DAB1: variants seen among roughly 807,000 people sequenced by gnomAD.
DAB1 encodes DAB adaptor protein 1, also known as disabled homolog 1.
In DAB1, 15 loss-of-function variants were observed where a neutral mutation model predicts 64.6. The ratio of observed to expected loss-of-function variants is 0.23; its 90% CI spans 0.16 to 0.36. The LOEUF (loss-of-function observed/expected upper bound fraction) is 0.36, where lower values mean the gene tolerates loss of function less well. DAB1 is among the 10% of genes least tolerant of loss of function. The pLI, the probability that DAB1 is intolerant of heterozygous loss-of-function variation, is 1.00. For missense variants in DAB1, 596 were observed against 706.7 expected, an observed-to-expected ratio of 0.84 and a Z score of 1.78; for synonymous variants, 235 against 251.9, an observed-to-expected ratio of 0.93 and a Z score of 0.64.
intron 5 of DAB1, among the ~76,000 whole-genome samples, chr1:58,149,721 C>T (rs1001479978): frequency 6.6e-6 from 1 of 152,142 alleles, no homozygotes; most frequent in Non-Finnish European, 1.5e-5. Context: ...TGATTTTTAC[C>T]AAACGGGGAG....
At chr1:57,910,760 A>G (rs1644631414) in intron 5 of DAB1, among the ~76,000 whole-genome samples, 1 of 152,204 alleles carries the variant, frequency 6.6e-6, no homozygotes, top group African/African-American at 2.4e-5. Context: ...ATCTCTCAAG[A>G]ATGGCCTTTA....
chr1:57,033,372 C>A, intron 9 of DAB1: 1 of 1,612,758 alleles, frequency 6.2e-7, no homozygotes, highest in Non-Finnish European at 8.5e-7. Flanking sequence ...TTAACACAAA[C>A]CTCAAGGCCT....
chr1:57,727,849 C>T (rs1647251026), intron 6 of DAB1, among the ~76,000 whole-genome samples: 1 of 151,962 alleles, frequency 6.6e-6, no homozygotes, highest in Non-Finnish European at 1.5e-5. Flanking sequence ...CTCTTAAGTG[C>T]CACCTTTTCA....
chr1:58,489,073 T>C (rs1419591366), intron 3 of DAB1, among the ~76,000 whole-genome samples: 1 of 152,158 alleles, frequency 6.6e-6, no homozygotes, highest in East Asian at 1.9e-4. Flanking sequence ...TGCATCTCAC[T>C]GGGGATTGTT....
chr1:57,672,491 T>C (rs956130888), intron 6 of DAB1, among the ~76,000 whole-genome samples: 1 of 152,110 alleles, frequency 6.6e-6, no homozygotes, highest in African/African-American at 2.4e-5. Flanking sequence ...AGTGGGGTCT[T>C]ACTGGGTCAC....
intron 3 of DAB1, among the ~76,000 whole-genome samples, chr1:58,473,144 T>C (rs573458271): frequency 6.6e-6 from 1 of 152,186 alleles, no homozygotes; most frequent in African/African-American, 2.4e-5. Context: ...TGCTTCCAAA[T>C]AGCATTTCAT....
intron 5 of DAB1, among the ~76,000 whole-genome samples, chr1:58,032,189 G>A (rs1646982254): frequency 6.6e-6 from 1 of 152,078 alleles, no homozygotes; most frequent in Non-Finnish European, 1.5e-5. Context: ...GACGCCAGGT[G>A]AGCAATGCAT....
intron 1 of DAB1, among the ~76,000 whole-genome samples, chr1:57,835,955 C>T (rs61342595): frequency 0.015 from 2,314 of 152,202 alleles, 64 homozygotes; most frequent in East Asian, 0.13. Flanking sequence ...GGGTCAAAGC[C>T]CCGAGGCAAA....
At chr1:57,675,924 G>A (rs1012222557) in intron 6 of DAB1, among the ~76,000 whole-genome samples, 2 of 152,112 alleles carry the variant, frequency 1.3e-5, no homozygotes, top group African/African-American at 4.8e-5. Context: ...ATTTGGGGCT[G>A]GAAGGGACAG....
At chr1:57,191,742 G>T (rs1664138569) in intron 2 of DAB1, among the ~76,000 whole-genome samples, 2 of 152,048 alleles carry the variant, frequency 1.3e-5, no homozygotes, top group South Asian at 4.2e-4. Flanking sequence ...CATATACCAT[G>T]GTGTCTGGAC....
chr1:58,411,180 A>G (rs1390235529), intron 3 of DAB1, among the ~76,000 whole-genome samples: 4 of 152,170 alleles, frequency 2.6e-5, no homozygotes, highest in Non-Finnish European at 5.9e-5. Flanking sequence ...TGAACAACAG[A>G]TATTTACTGG....
At chr1:57,174,676 G>A (rs1388068570) in intron 2 of DAB1, among the ~76,000 whole-genome samples, 7 of 152,066 alleles carry the variant, frequency 4.6e-5, no homozygotes, top group Non-Finnish European at 1.0e-4. Context: ...GGTCTGTTAG[G>A]CTCACCACTG....
At chr1:58,293,089 CT>C (rs1160967893) in intron 4 of DAB1, among the ~76,000 whole-genome samples, 1 of 152,130 alleles carries the variant, frequency 6.6e-6, no homozygotes, top group Non-Finnish European at 1.5e-5. Context: ...CTGTTGCCAC[CT>C]TACAAGAAAT....
At chr1:57,418,258 T>C (rs1375227861) in intron 1 of DAB1, among the ~76,000 whole-genome samples, 1 of 152,166 alleles carries the variant, frequency 6.6e-6, no homozygotes, top group Non-Finnish European at 1.5e-5. Context: ...TATTCACAGC[T>C]TTTCAATTAT....
intron 2 of DAB1, among the ~76,000 whole-genome samples, chr1:57,195,673 C>G (rs1182560913): frequency 1.3e-5 from 2 of 152,208 alleles, no homozygotes; most frequent in African/African-American, 4.8e-5. Context: ...CTAAGTCAGA[C>G]CAGCCTTCAT....
At chr1:58,247,021 A>C (rs1384899890) in intron 4 of DAB1, among the ~76,000 whole-genome samples, 1 of 152,096 alleles carries the variant, frequency 6.6e-6, no homozygotes, top group Non-Finnish European at 1.5e-5. Flanking sequence ...GCCTTGGGCA[A>C]TAGGGAGCAC....
intron 4 of DAB1, among the ~76,000 whole-genome samples, chr1:58,219,449 C>T (rs1659041539): frequency 6.6e-6 from 1 of 152,180 alleles, no homozygotes; most frequent in Admixed American, 6.5e-5. Flanking sequence ...GTCTGAATCA[C>T]CAGGACCAGA....
chr1:57,307,596 C>A (rs768307532), intron 1 of DAB1, among the ~76,000 whole-genome samples: 1 of 152,106 alleles, frequency 6.6e-6, no homozygotes, highest in Non-Finnish European at 1.5e-5. Flanking sequence ...CACTCCCTTT[C>A]CTGTCTGTTG....
At chr1:57,973,482 CACAT>C (rs1276438090) in intron 5 of DAB1, among the ~76,000 whole-genome samples, 1 of 152,208 alleles carries the variant, frequency 6.6e-6, no homozygotes, top group Admixed American at 6.5e-5. Context: ...ATCTTCTAAA[CACAT>C]ACTCTATACA....
Sources: gnomAD v4.1 joint callset for allele counts (sites outside exome capture counted in the v4.1 genomes callset) on GRCh38, gnomAD v4.1.1 for gene constraint, MANE v1.5 for transcripts, NCBI Gene and HGNC (gene_info 2026-07-23, HGNC 2026-07-21) for gene names.